Variants in TRAF3IP1 observed in about 807,000 individuals in gnomAD.
TRAF3IP1 encodes the protein TRAF3-interacting protein 1.
Under a neutral mutation model 89.9 loss-of-function variants are expected in TRAF3IP1, and 53 were observed. The observed-to-expected ratio is 0.59, with a 90% confidence interval of 0.47 to 0.74. The LOEUF is 0.74. TRAF3IP1 is among the 30% of genes least tolerant of loss of function. The probability of loss-of-function intolerance (pLI) is 0.00; values close to 1 mark genes in which losing one functional copy is unlikely to be tolerated. For missense variants in TRAF3IP1, 806 were observed against 866.1 expected (o/e 0.93, Z 0.87); for synonymous variants, 311 against 322.1 (o/e 0.97, Z 0.37).
intron 14 of TRAF3IP1, among the ~76,000 whole-genome samples, chr2:238,353,662 C>G (rs1407780494): frequency 6.6e-6 from 1 of 152,178 alleles, no homozygotes; most frequent in Non-Finnish European, 1.5e-5. Context: ...TGAGTACTTT[C>G]CTTTATAGAT....
intron 14 of TRAF3IP1, 115 bp downstream of exon 14, chr2:238,353,324 TG>T: frequency 4.4e-6 from 5 of 1,136,998 alleles, no homozygotes; most frequent in Non-Finnish European, 6.5e-6. Context: ...GGTTCTGGTC[TG>T]GGTCACACTG....
rs936498078 is a variant in TRAF3IP1, at chr2:238,325,434, A to G, written c.192+60A>G. 18 of 1,553,380 alleles carry G rather than the reference A, an allele frequency of 1.2e-5. No individual in the cohort carries two copies. In the African/African-American group the frequency reaches 2.3e-4, roughly 20 times the overall value. On this transcript the variant is annotated intron_variant, in intron 2 of 16. Transcript: ENST00000373327. The stretch of plus-strand genomic sequence containing the variant: ...CGCCTTAACGGATGGGATTTTTTGT[A>G]GGCCTGGTAGTGTGGCTTGTGTCAT...
chr2:238,333,782 C>T lies in TRAF3IP1; in HGVS notation c.988-178C>T, dbSNP rs115642477. On this transcript the variant is annotated intron_variant, in intron 6 of 16. Transcript: ENST00000373327. ...ATAGTGTGAAAAGGGTTTTGGCCTCCGTGTAATTCACAGTCTCAGGTCTTG... is the reference window on the plus strand; with the variant it reads ...ATAGTGTGAAAAGGGTTTTGGCCTCTGTGTAATTCACAGTCTCAGGTCTTG... Among the ~76,000 whole-genome samples the T allele has an allele frequency of 4.4e-3, 671 of 152,190 alleles. 5 individuals carry two copies. Among genetic ancestry groups the T allele is most frequent in the African/African-American group, 0.015 (624 of 41,522 alleles).
In TRAF3IP1 at chr2:238,329,098, C is replaced by A; in HGVS notation, c.671C>A (p.Ala224Asp). 6.4e-7 allele frequency: 1 copy of A among 1,550,490 alleles called. No individual in the cohort carries two copies. The highest frequency in any genetic ancestry group is 8.7e-7 in the Non-Finnish European group (1 of 1,146,764). Reference protein sequence around the residue: ...EGERERAKARARPDNERQKDR... With the variant: ...EGERERAKARDRPDNERQKDR... ...GAGAGAGAGAGAGCCAAAGCCCGGG[C>A]CAGGCCAGACAACGAGCGACAGAAA... The change falls in exon 5 of 17, where the codon GCC (alanine) becomes GAC (aspartate). Residue 224 changes from alanine (A) to aspartate (D), a missense_variant. Around this residue, in one of 3 missense-constraint regions of TRAF3IP1, gnomAD observed 732 missense variants for 780.5 expected, o/e 0.94. Coordinates refer to ENST00000373327, the MANE Select transcript of TRAF3IP1 (RefSeq NM_015650.4).
intron 15 of TRAF3IP1, among the ~76,000 whole-genome samples, chr2:238,368,079 G>T (rs1324079278): frequency 6.6e-6 from 1 of 152,034 alleles, no homozygotes; most frequent in Non-Finnish European, 1.5e-5. Flanking sequence ...AGACACACAT[G>T]TATTTTTCTA....
chr2:238,394,251 G>A (rs1701117445), intron 15 of TRAF3IP1, among the ~76,000 whole-genome samples: 1 of 152,168 alleles, frequency 6.6e-6, no homozygotes. Flanking sequence ...TTCTTTTTCT[G>A]AAAATGTTTT....
At position 238,335,907 on chromosome 2, in the gene TRAF3IP1, C is replaced by T. The variant is rs540359457; in HGVS notation, c.1063+1872C>T. On this transcript the variant is annotated intron_variant, in intron 7 of 16. Coordinates refer to ENST00000373327, the MANE Select transcript of TRAF3IP1 (RefSeq NM_015650.4). ...CTCACTGCAAGTGATTCTTCTGCCT[C>T]AGCCTCCTGAGTAGCTGGGATTACA... is the stretch of plus-strand genomic sequence containing the variant. 3.9e-5 allele frequency among the ~76,000 whole-genome samples: 6 copies of T among 152,036 alleles called. No individual in the cohort carries two copies. In the South Asian group the frequency reaches 8.3e-4, roughly 21 times the overall value.
Position 238,379,406 on chromosome 2 carries a change from A to C in TRAF3IP1, c.1690-18053A>C, listed in dbSNP as rs965828049. Among the ~76,000 whole-genome samples, 2 of 152,172 alleles carry C rather than the reference A, an allele frequency of 1.3e-5. No homozygotes were observed. Among genetic ancestry groups the C allele is most frequent in the Non-Finnish European group, 1.5e-5 (1 of 68,034 alleles). ...GATGCTGGTGGAGGGAAGAGTGAGG[A>C]GTGCCAGCTTCAGCAGAACTCCTTA... On this transcript the variant is annotated intron_variant, in intron 15 of 16. Coordinates refer to ENST00000373327, the MANE Select transcript of TRAF3IP1 (RefSeq NM_015650.4). The surrounding 1 kb of genome is among the most constrained non-coding windows in gnomAD (Gnocchi z 4.0).
chr2:238,340,862 G>GAC, intron 8 of TRAF3IP1, among the ~76,000 whole-genome samples: 1 of 150,032 alleles, frequency 6.7e-6, no homozygotes, highest in African/African-American at 2.5e-5. Flanking sequence ...GAGAGAGACA[G>GAC]AGAGACAGAG....
chr2:238,392,527 A>G (rs1701036489), intron 15 of TRAF3IP1, among the ~76,000 whole-genome samples: 1 of 151,238 alleles, frequency 6.6e-6, no homozygotes, highest in Admixed American at 6.6e-5. Flanking sequence ...CTTATTCCTA[A>G]TCCTCTGAGG....
chr2:238,347,243 A>G, intron 9 of TRAF3IP1: 3 of 572,056 alleles, frequency 5.2e-6, no homozygotes, highest in Non-Finnish European at 9.3e-6. Flanking sequence ...TTTATGATGC[A>G]CAGTTTGTTT....
intron 2 of TRAF3IP1, 51 bp downstream of exon 2, chr2:238,325,425 A>AT (rs763409692): frequency 5.7e-5 from 91 of 1,589,540 alleles, no homozygotes; most frequent in African/African-American, 5.4e-5. Context: ...AACGGATGGG[A>AT]TTTTTTGTAG....
intron 6 of TRAF3IP1, 41 bp downstream of exon 6, chr2:238,332,936 A>G: frequency 2.0e-6 from 3 of 1,484,886 alleles, no homozygotes; most frequent in South Asian, 2.3e-5. Flanking sequence ...GTCAACTTGT[A>G]GCTGTGTTGA....
At chr2:238,332,634 G>C (rs1264416166) in intron 5 of TRAF3IP1, among the ~76,000 whole-genome samples, 190 bp from the exon 6 acceptor site, 1 of 152,138 alleles carries the variant, frequency 6.6e-6, no homozygotes, top group Non-Finnish European at 1.5e-5. Context: ...CCTGCCATTG[G>C]CTCGGAAGAC....
chr2:238,364,062 TTC>T (rs1181591892), intron 15 of TRAF3IP1, among the ~76,000 whole-genome samples: 1 of 152,252 alleles, frequency 6.6e-6, no homozygotes, highest in African/African-American at 2.4e-5. Flanking sequence ...ATTGCTTATT[TTC>T]TCTCTGTCTC....
chr2:238,358,638 A>T (rs2106334653), intron 15 of TRAF3IP1, among the ~76,000 whole-genome samples: 1 of 152,130 alleles, frequency 6.6e-6, no homozygotes, highest in Middle Eastern at 3.4e-3. Flanking sequence ...TCTACTTTGG[A>T]TGTGCCTCGT....
At chr2:238,397,300 A>G in intron 15 of TRAF3IP1, 159 bp from the exon 16 acceptor site, 2 of 625,750 alleles carry the variant, frequency 3.2e-6, no homozygotes, top group South Asian at 1.9e-5. Context: ...GTTAGGCAGC[A>G]TGGCTCTCCC....
chr2:238,329,484 C>T lies in TRAF3IP1; in HGVS notation c.915+142C>T, dbSNP rs1468762485. On this transcript the variant is annotated intron_variant, in intron 5 of 16. Transcript: ENST00000373327. ...TAAAATGATGACAATCTTGGATTCT[C>T]AATAGAAACCCAAAGAGATACTTAT... 2.0e-5 allele frequency: 15 copies of T among 751,686 alleles called. No individual in the cohort carries two copies. In the Admixed American group the frequency reaches 4.9e-4, roughly 25 times the overall value. The allele number at this position is 751,686 out of a possible 1,614,324, so 46.6% of individuals were successfully genotyped here.
chr2:238,347,421 C>G, intron 9 of TRAF3IP1, 34 bp from the exon 10 acceptor site: 4 of 1,613,426 alleles, frequency 2.5e-6, no homozygotes, highest in Non-Finnish European at 3.4e-6. Context: ...GTTGACTACA[C>G]GAAAGCTAAT....
Sources: gnomAD v4.1 joint callset for allele counts (sites outside exome capture counted in the v4.1 genomes callset) on GRCh38, gnomAD v4.1.1 for gene constraint, gnomAD v4.1.1 regional missense constraint, Gnocchi (gnomAD v3.1) non-coding constraint, MANE v1.5 for transcripts, NCBI Gene and HGNC (gene_info 2026-07-23, HGNC 2026-07-21) for gene names.